The following MIS18A variants were observed in gnomAD, a reference collection of about 807,000 sequenced individuals.
MIS18A encodes the protein MIS18 kinetochore protein A.
Under a neutral mutation model 25.0 loss-of-function variants are expected in MIS18A, and 14 were observed. The ratio of observed to expected loss-of-function variants is 0.56; its 90% CI spans 0.37 to 0.88. MIS18A has a LOEUF of 0.88. MIS18A is among the 40% of genes least tolerant of loss of function. The probability of loss-of-function intolerance (pLI) is 0.00; values close to 1 mark genes in which losing one functional copy is unlikely to be tolerated. For synonymous variants in MIS18A, 134 were observed against 118.6 expected, an observed-to-expected ratio of 1.13 and a Z score of -0.84; for missense variants, 292 against 290.8, an observed-to-expected ratio of 1.00 and a Z score of -0.03.
At chr21:32,191,001 G>A in the MIS18A span, among the ~76,000 whole-genome samples, 1 of 152,164 alleles carries the variant, frequency 6.6e-6, no homozygotes, top group Non-Finnish European at 1.5e-5. Context: ...AACAAAAGAT[G>A]TGCAGAAAGA....
chr21:32,205,563 TC>T, the MIS18A span, among the ~76,000 whole-genome samples: 1 of 152,110 alleles, frequency 6.6e-6, no homozygotes, highest in South Asian at 2.1e-4. Flanking sequence ...AATCCAATGA[TC>T]TCTGTGTGTG....
rs1392145754 is a variant in MIS18A at position 32,278,722 on chromosome 21, C to A, written c.293G>T (p.Trp98Leu). ...CRRPLGDSLS[W>L]VASQEDTNCI... ...GTTGGTGTCCTCCTGGCTGGCCACC[C>A]AGCTCAGCGAGTCGCCCAGCGGCCG... is the stretch of plus-strand genomic sequence containing the variant. Residue 98 changes from tryptophan to leucine, a missense_variant, in exon 1 of 5, where the codon TGG becomes TTG. Trp to Leu is a moderately conservative substitution (Grantham distance 61). Transcript: ENST00000290130. 6 of 1,580,758 alleles carry A rather than the reference C, an allele frequency of 3.8e-6. No homozygotes were observed. Among genetic ancestry groups the A allele is most frequent in the Non-Finnish European group, 4.3e-6 (5 of 1,170,196 alleles).
chr21:32,155,879 G>A, the MIS18A span, among the ~76,000 whole-genome samples: 2 of 151,972 alleles, frequency 1.3e-5, no homozygotes, highest in Admixed American at 1.3e-4. Context: ...AGTTGATTTT[G>A]CTGAAACTTT....
the MIS18A span, among the ~76,000 whole-genome samples, chr21:32,222,703 G>A: frequency 4.4e-4 from 67 of 152,152 alleles, no homozygotes; most frequent in Middle Eastern, 0.01. Context: ...AGGCCAAGGC[G>A]GGCGGGTCAC....
the MIS18A span, among the ~76,000 whole-genome samples, chr21:32,208,691 CTG>C: frequency 3.9e-3 from 601 of 152,322 alleles, 3 homozygotes; most frequent in Middle Eastern, 0.017. Context: ...CTCAAAAGTG[CTG>C]TGGCCTCCAA....
the MIS18A span, among the ~76,000 whole-genome samples, chr21:32,244,244 G>A: frequency 7.2e-4 from 110 of 152,190 alleles, no homozygotes; most frequent in African/African-American, 2.5e-3. Context: ...AGTGGATTGC[G>A]CGGGGCCAGG....
the MIS18A span, among the ~76,000 whole-genome samples, chr21:32,218,423 T>C: frequency 2.6e-5 from 4 of 152,126 alleles, no homozygotes; most frequent in African/African-American, 9.7e-5. Flanking sequence ...TACTCTTTTT[T>C]CTCCAGATTT....
the MIS18A span, among the ~76,000 whole-genome samples, chr21:32,201,067 C>T: frequency 6.6e-6 from 1 of 152,148 alleles, no homozygotes; most frequent in African/African-American, 2.4e-5. Context: ...GCATCTGCTC[C>T]TGGTGAGGCC....
At chr21:32,247,006 C>T in the MIS18A span, among the ~76,000 whole-genome samples, 12 of 152,268 alleles carry the variant, frequency 7.9e-5, no homozygotes, top group East Asian at 5.8e-4. Flanking sequence ...CCAACCCAAA[C>T]GCAGATTATG....
At chr21:32,270,753 A>T (rs2031698955) in intron 2 of MIS18A, among the ~76,000 whole-genome samples, 1 of 152,198 alleles carries the variant, frequency 6.6e-6, no homozygotes, top group Admixed American at 6.5e-5. Context: ...CATACAAAAA[A>T]GTGACAAGAG....
chr21:32,233,796 GC>G, the MIS18A span, among the ~76,000 whole-genome samples: 3 of 152,106 alleles, frequency 2.0e-5, no homozygotes, highest in Non-Finnish European at 4.4e-5. Context: ...CTCCCACTCT[GC>G]CCCTGGCCAT....
the MIS18A span, among the ~76,000 whole-genome samples, chr21:32,198,795 A>G: frequency 6.6e-6 from 1 of 152,310 alleles, no homozygotes; most frequent in African/African-American, 2.4e-5. Context: ...ATTTACTGGG[A>G]ATTGAAAAGG....
chr21:32,188,947 A>AT, the MIS18A span, among the ~76,000 whole-genome samples: 1 of 152,210 alleles, frequency 6.6e-6, no homozygotes, highest in African/African-American at 2.4e-5. Context: ...CAATCAAACG[A>AT]TTTTTATAAA....
the MIS18A span, among the ~76,000 whole-genome samples, chr21:32,254,071 C>T: frequency 6.6e-6 from 1 of 151,544 alleles, no homozygotes; most frequent in African/African-American, 2.4e-5. Flanking sequence ...CCTGTCTCTA[C>T]TAAAAATACA....
intron 4 of MIS18A, chr21:32,269,473 T>C: frequency 2.1e-6 from 1 of 469,984 alleles, no homozygotes; most frequent in Non-Finnish European, 3.8e-6. Context: ...AGCTTTGCAG[T>C]GTTTTAATAT....
chr21:32,203,663 A>G, the MIS18A span, among the ~76,000 whole-genome samples: 5 of 122,738 alleles, frequency 4.1e-5, no homozygotes, highest in Non-Finnish European at 6.3e-5. Context: ...TCTGTCACCC[A>G]GGCTGGAGTG....
At chr21:32,223,132 TA>T in the MIS18A span, among the ~76,000 whole-genome samples, 1 of 152,132 alleles carries the variant, frequency 6.6e-6, no homozygotes, top group African/African-American at 2.4e-5. Context: ...AAGCAGTGTT[TA>T]GAGGGAAATT....
chr21:32,274,927 T>C (rs887276691), intron 1 of MIS18A, 31 bp from the exon 2 acceptor site: 1 of 1,565,044 alleles, frequency 6.4e-7, no homozygotes, highest in Non-Finnish European at 8.8e-7. Flanking sequence ...AATAATTTAT[T>C]AATGTAGTTC....
the MIS18A span, among the ~76,000 whole-genome samples, chr21:32,233,972 G>A: frequency 6.6e-6 from 1 of 152,188 alleles, no homozygotes; most frequent in Non-Finnish European, 1.5e-5. Context: ...GAAGCCTCGG[G>A]AGATATGACT....
Sources: allele counts gnomAD v4.1 joint callset (sites outside exome capture counted in the v4.1 genomes callset), GRCh38; gene constraint gnomAD v4.1.1; transcripts MANE v1.5; gene names NCBI Gene and HGNC (gene_info 2026-07-23, HGNC 2026-07-21).